PACSIN2: variants seen among roughly 807,000 people sequenced by gnomAD.
PACSIN2 encodes the protein protein kinase C and casein kinase substrate in neurons 2, also known as protein kinase C and casein kinase substrate in neurons protein 2.
A neutral mutation model predicts 63.8 loss-of-function variants in PACSIN2; 25 were observed. The observed-to-expected ratio is 0.39, with a 90% confidence interval of 0.29 to 0.55. PACSIN2 has a LOEUF of 0.55. Ranked by LOEUF, PACSIN2 falls within the 20% of genes least tolerant of loss-of-function variation. The probability of loss-of-function intolerance (pLI) is 0.62; values close to 1 mark genes in which losing one functional copy is unlikely to be tolerated. For missense variants in PACSIN2, 518 were observed against 646.9 expected (o/e 0.80, Z 2.16); for synonymous variants, 255 against 256.2 (o/e 1.00, Z 0.05).
intron 1 of PACSIN2, among the ~76,000 whole-genome samples, chr22:42,976,366 T>G (rs7511534): frequency 6.6e-6 from 1 of 152,112 alleles, no homozygotes; most frequent in African/African-American, 2.4e-5. Flanking sequence ...CAGGCCTTAA[T>G]GCACACTTGC....
chr22:42,919,958 A>G (rs1932077160), intron 1 of PACSIN2, among the ~76,000 whole-genome samples: 1 of 151,034 alleles, frequency 6.6e-6, no homozygotes, highest in African/African-American at 2.4e-5. Flanking sequence ...AAAAAGAAAA[A>G]TTAGCCAGGG....
chr22:43,009,488 G>A (rs1367545101), intron 1 of PACSIN2, among the ~76,000 whole-genome samples: 2 of 152,228 alleles, frequency 1.3e-5, no homozygotes, highest in Non-Finnish European at 2.9e-5. Context: ...CGCCTATGAA[G>A]CTGTCCCCCT....
At chr22:42,892,352 G>A (rs1054407901) in intron 3 of PACSIN2, among the ~76,000 whole-genome samples, 1 of 152,186 alleles carries the variant, frequency 6.6e-6, no homozygotes, top group Non-Finnish European at 1.5e-5. Context: ...CCCAGAGGGG[G>A]ACACGTGACT....
At chr22:42,914,838 C>G (rs1931707403) in intron 1 of PACSIN2, among the ~76,000 whole-genome samples, 1 of 152,206 alleles carries the variant, frequency 6.6e-6, no homozygotes, top group South Asian at 2.1e-4. Flanking sequence ...TGACACAGTT[C>G]TGCACAAGAC....
Position 42,992,760 on chromosome 22 carries a change from C to G in PACSIN2, c.-78+22261G>C, listed in dbSNP as rs77428092. Among the ~76,000 whole-genome samples, 646 of 152,318 alleles carry G rather than the reference C, an allele frequency of 4.2e-3. 3 individuals carry two copies. The highest frequency in any genetic ancestry group is 0.015 in the African/African-American group (610 of 41,566). On this transcript the variant is annotated intron_variant, in intron 1 of 10. Transcript: ENST00000263246. ...GTGAATGAACAAATTGTAGCATGCC[C>G]ATGCATTGGATTTTTTAAAAAATGA...
chr22:42,884,676 G>T, intron 5 of PACSIN2, 115 bp from the exon 6 acceptor site: 2 of 746,458 alleles, frequency 2.7e-6, no homozygotes, highest in Non-Finnish European at 4.4e-6. Context: ...AAAAACAGGA[G>T]CTCTGGATTC....
chr22:42,970,164 T>C (rs1420435228), intron 1 of PACSIN2, among the ~76,000 whole-genome samples: 2 of 152,076 alleles, frequency 1.3e-5, no homozygotes, highest in East Asian at 1.9e-4. Context: ...CAGCAATCTT[T>C]TGGGGAACCA....
At chr22:42,972,548 G>A (rs1397896622) in intron 1 of PACSIN2, among the ~76,000 whole-genome samples, 1 of 151,792 alleles carries the variant, frequency 6.6e-6, no homozygotes, top group East Asian at 1.9e-4. Context: ...CACCATTTTA[G>A]AAAAATAGTT....
chr22:42,941,244 A>G (rs1933145842), intron 1 of PACSIN2, among the ~76,000 whole-genome samples: 1 of 152,228 alleles, frequency 6.6e-6, no homozygotes, highest in South Asian at 2.1e-4. Flanking sequence ...TTTGTTGCTA[A>G]GTAATATTCC....
At chr22:42,923,373 C>T (rs531787850) in intron 1 of PACSIN2, among the ~76,000 whole-genome samples, 1 of 152,314 alleles carries the variant, frequency 6.6e-6, no homozygotes, top group African/African-American at 2.4e-5. Context: ...CCCGCAGGCC[C>T]GCATCTGCTC....
chr22:42,922,884 G>C (rs553571050), intron 1 of PACSIN2, among the ~76,000 whole-genome samples: 1 of 152,272 alleles, frequency 6.6e-6, no homozygotes, highest in African/African-American at 2.4e-5. Context: ...AGGACACAGA[G>C]AAGTAGGGCA....
At chr22:43,011,855 T>C (rs1189634950) in intron 1 of PACSIN2, among the ~76,000 whole-genome samples, 1 of 151,922 alleles carries the variant, frequency 6.6e-6, no homozygotes, top group Non-Finnish European at 1.5e-5. Flanking sequence ...CTATTAAAAA[T>C]ACAAAAACTA....
At chr22:42,894,327 G>A (rs776050125) in intron 2 of PACSIN2, among the ~76,000 whole-genome samples, 3 of 151,772 alleles carry the variant, frequency 2.0e-5, no homozygotes, top group African/African-American at 7.3e-5. Flanking sequence ...TGCAACCTCC[G>A]CATCCCAGGT....
intron 5 of PACSIN2, among the ~76,000 whole-genome samples, chr22:42,887,267 G>A (rs994548442): frequency 7.2e-5 from 11 of 152,192 alleles, no homozygotes; most frequent in African/African-American, 1.9e-4. Context: ...TGTAGATGAC[G>A]TGTTCCCCTT....
At chr22:43,005,361 A>G (rs761750696) in intron 1 of PACSIN2, among the ~76,000 whole-genome samples, 6 of 152,262 alleles carry the variant, frequency 3.9e-5, no homozygotes, top group Non-Finnish European at 7.3e-5. Flanking sequence ...CCAACCCAGA[A>G]GAGAGCAAGG....
chr22:43,002,373 A>C (rs367885702), intron 1 of PACSIN2: 7 of 152,332 alleles, frequency 4.6e-5, no homozygotes, highest in Middle Eastern at 6.8e-3. Flanking sequence ...AACGTGGAAC[A>C]TTAGCTCCAA....
chr22:42,928,362 G>A (rs1250352484), intron 1 of PACSIN2, among the ~76,000 whole-genome samples: 2 of 152,220 alleles, frequency 1.3e-5, no homozygotes, highest in African/African-American at 4.8e-5. Flanking sequence ...ACAGAAGGAG[G>A]AAAGAAAAGA....
intron 1 of PACSIN2, among the ~76,000 whole-genome samples, chr22:42,984,044 C>T (rs934961066): frequency 6.9e-6 from 1 of 145,956 alleles, no homozygotes; most frequent in African/African-American, 2.6e-5. Context: ...AATCTTGGCT[C>T]ACTGCAGCCT....
At chr22:42,929,731 C>T (rs1208807828) in intron 1 of PACSIN2, among the ~76,000 whole-genome samples, 2 of 152,238 alleles carry the variant, frequency 1.3e-5, no homozygotes, top group African/African-American at 2.4e-5. Flanking sequence ...ACCCGCCACC[C>T]GGGGCTCCAA....
Sources: gnomAD v4.1 joint callset for allele counts (sites outside exome capture counted in the v4.1 genomes callset) on GRCh38, gnomAD v4.1.1 for gene constraint, MANE v1.5 for transcripts, NCBI Gene and HGNC (gene_info 2026-07-23, HGNC 2026-07-21) for gene names.